The following ZDHHC9 variants were observed in gnomAD, a reference collection of about 807,000 sequenced individuals.
The protein encoded by ZDHHC9 is palmitoyltransferase ZDHHC9.
A neutral mutation model predicts 26.6 loss-of-function variants in ZDHHC9; 3 were observed. That is an observed-to-expected ratio of 0.11 (90% CI 0.05 to 0.29). ZDHHC9 has a LOEUF of 0.29. Ranked by LOEUF, ZDHHC9 falls within the 10% of genes least tolerant of loss-of-function variation. The probability of loss-of-function intolerance (pLI) is 1.00; values close to 1 mark genes in which losing one functional copy is unlikely to be tolerated. For synonymous variants in ZDHHC9, 111 were observed against 109.4 expected (o/e 1.01, Z -0.09); for missense variants, 146 against 296.4 (o/e 0.49, Z 3.73).
At chrX:129,840,042 A>G (rs971479512) in intron 3 of ZDHHC9, among the ~76,000 whole-genome samples, 29 of 111,702 alleles carry the variant, frequency 2.6e-4, no homozygotes, top group Non-Finnish European at 2.8e-4. Flanking sequence ...TTGGCTAATT[A>G]GAAGCTTCAT....
chrX:129,823,651 T>C (rs1419762818), intron 5 of ZDHHC9, 28 bp downstream of exon 5: 7 of 1,211,286 alleles, frequency 5.8e-6, no homozygotes, highest in Non-Finnish European at 7.8e-6. Flanking sequence ...GCCTTTTCCC[T>C]AGGCAATGTC....
chrX:129,838,697 A>T (rs771401814), intron 3 of ZDHHC9, among the ~76,000 whole-genome samples: 34 of 84,396 alleles, frequency 4.0e-4, no homozygotes, highest in East Asian at 1.2e-3. Context: ...AAAAATAATT[A>T]AAAAAAAAAA....
chrX:129,815,949 A>G (rs986937080), intron 5 of ZDHHC9, among the ~76,000 whole-genome samples: 1 of 111,750 alleles, frequency 8.9e-6, no homozygotes, highest in Admixed American at 9.5e-5. Context: ...GGTGATGAAT[A>G]TGTTCATTTG....
intron 4 of ZDHHC9, among the ~76,000 whole-genome samples, chrX:129,825,560 T>C (rs1276683674): frequency 1.8e-5 from 2 of 111,520 alleles, no homozygotes; most frequent in Admixed American, 9.6e-5. Context: ...TGTACTATGA[T>C]TTATTTAAAT....
chrX:129,820,546 G>A (rs1306486080), intron 5 of ZDHHC9, among the ~76,000 whole-genome samples: 4 of 111,368 alleles, frequency 3.6e-5, no homozygotes, highest in South Asian at 7.5e-4. Context: ...AGCTGTGATC[G>A]TGCCACTGCC....
chrX:129,814,871 A>C, intron 5 of ZDHHC9, 76 bp from the exon 6 acceptor site: 1 of 1,070,433 alleles, frequency 9.3e-7, no homozygotes, highest in Non-Finnish European at 1.3e-6. Flanking sequence ...ATAATACCTA[A>C]TTCAAAGACC....
At chrX:129,818,221 G>T (rs925867372) in intron 5 of ZDHHC9, among the ~76,000 whole-genome samples, 3 of 111,950 alleles carry the variant, frequency 2.7e-5, no homozygotes, top group African/African-American at 6.5e-5. Flanking sequence ...TGCAAGCCAG[G>T]GGGAGAGGCC....
At chrX:129,820,697 A>T (rs1467822581) in intron 5 of ZDHHC9, among the ~76,000 whole-genome samples, 1 of 112,079 alleles carries the variant, frequency 8.9e-6, no homozygotes, top group Non-Finnish European at 1.9e-5. Flanking sequence ...AGTGCTTTTT[A>T]AAAAAATTGA....
At position 129,806,249 on chromosome X, in the gene ZDHHC9, A is replaced by G; in HGVS notation, c.*121T>C. 3.0e-6 allele frequency: 2 copies of G among 665,673 alleles called. No homozygotes were observed. Among genetic ancestry groups the G allele is most frequent in the African/African-American group, 2.1e-5 (1 of 47,260 alleles). The allele number at this position is 665,673 out of a possible 1,213,427, so 54.9% of individuals were successfully genotyped here. ...TGCCAGTGTGCAACTGGGTGACTAA[A>G]GACCAAAGAAAAACAGTTAAAAGGG... On this transcript the variant is annotated 3_prime_UTR_variant, in exon 11 of 11. Transcript: ENST00000357166.
chrX:129,827,266 G>A (rs1339764658), intron 4 of ZDHHC9, among the ~76,000 whole-genome samples: 2 of 86,985 alleles, frequency 2.3e-5, no homozygotes, highest in African/African-American at 8.5e-5. Context: ...AAGGAAGGAA[G>A]GAAGGGAGGG....
intron 6 of ZDHHC9, 102 bp from the exon 7 acceptor site, chrX:129,813,827 T>TG: frequency 3.9e-6 from 3 of 775,689 alleles, no homozygotes; most frequent in Non-Finnish European, 5.8e-6. Context: ...CTCTCCCGTG[T>TG]TACACACTGG....
rs1460818747 is a variant in ZDHHC9 at position 129,822,356 on chromosome X, G to A, written c.487+1323C>T. The stretch of plus-strand genomic sequence containing the variant: ...TTCTCAGCAAACTAACACAGGAACA[G>A]AAAACCAAACACCGCATGTTCTCAC... On this transcript the variant is annotated intron_variant, in intron 5 of 10. Coordinates refer to ENST00000357166, the MANE Select transcript of ZDHHC9 (RefSeq NM_016032.4). 4.9e-5 allele frequency among the ~76,000 whole-genome samples: 5 copies of A among 103,068 alleles called. No homozygotes were observed. The Admixed American group carries it at 5.7e-4, about 12-fold the overall frequency. 89.5% of individuals were successfully genotyped at this position (103,068 alleles called of 115,157 possible). A position where few individuals can be genotyped will look rare whatever the true frequency, so the allele number is the denominator to read the frequency against.
At chrX:129,840,429 T>G (rs780330675) in intron 3 of ZDHHC9, among the ~76,000 whole-genome samples, 1 of 111,542 alleles carries the variant, frequency 9.0e-6, no homozygotes, top group East Asian at 2.8e-4. Flanking sequence ...AAACAATTTT[T>G]AATGCTAGGG....
At position 129,803,900 on chromosome X, in the gene ZDHHC9, T is replaced by C. The variant is rs1336857758; in HGVS notation, c.*2470A>G. On this transcript the variant is annotated 3_prime_UTR_variant, in exon 11 of 11. Transcript: ENST00000357166. ...TCCCCTGGGAACATTGATTCTTTAA[T>C]CTCCCCTCTGATCAGATAGGGACAG... 1 of 111,718 alleles carries C rather than the reference T, an allele frequency of 9.0e-6. No individual in the cohort carries two copies. The highest frequency in any genetic ancestry group is 1.9e-5 in the Non-Finnish European group (1 of 53,127). 9.2% of individuals were successfully genotyped at this position (111,718 alleles called of 1,213,427 possible). A position where few individuals can be genotyped will look rare whatever the true frequency, so the allele number is the denominator to read the frequency against.
At chrX:129,829,177 C>T (rs373104957) in intron 3 of ZDHHC9, 36 bp from the exon 4 acceptor site, 436 of 1,197,547 alleles carry the variant, frequency 3.6e-4, no homozygotes, top group South Asian at 3.5e-3. Context: ...TTAATGATAC[C>T]TACCCTATAT....
chrX:129,833,190 C>G (rs1314671526), intron 3 of ZDHHC9, among the ~76,000 whole-genome samples: 1 of 111,461 alleles, frequency 9.0e-6, no homozygotes, highest in African/African-American at 3.3e-5. Flanking sequence ...CCAACTAAGT[C>G]TTCATTTCTG....
In ZDHHC9 at chrX:129,811,013, A is replaced by C; in HGVS notation, c.882-12T>G. 8.3e-7 allele frequency: 1 copy of C among 1,199,480 alleles called. No homozygotes were observed. The highest frequency in any genetic ancestry group is 1.1e-6 in the Non-Finnish European group (1 of 885,040). On this transcript the variant is annotated splice_polypyrimidine_tract_variant and intron_variant, in intron 9 of 10. Coordinates refer to ENST00000357166, the MANE Select transcript of ZDHHC9 (RefSeq NM_016032.4). ...TTCGATCCAGCACACTGAAGGAGAT[A>C]AGAGAGTTAACAAAGAACTGGGCAT...
chrX:129,837,572 C>A (rs1928289168), intron 3 of ZDHHC9, among the ~76,000 whole-genome samples: 1 of 112,418 alleles, frequency 8.9e-6, no homozygotes, highest in African/African-American at 3.2e-5. Flanking sequence ...TCATCCAATT[C>A]AATGACTCTT....
At chrX:129,824,742 A>G (rs1427961513) in intron 4 of ZDHHC9, among the ~76,000 whole-genome samples, 1 of 112,416 alleles carries the variant, frequency 8.9e-6, no homozygotes, top group Non-Finnish European at 1.9e-5. Context: ...AATAACTTCA[A>G]TGTCACAATA....
Sources: gnomAD v4.1 joint callset for allele counts (sites outside exome capture counted in the v4.1 genomes callset) on GRCh38, gnomAD v4.1.1 for gene constraint, MANE v1.5 for transcripts, NCBI Gene and HGNC (gene_info 2026-07-23, HGNC 2026-07-21) for gene names.